The following MUC17 variants were observed in gnomAD, a reference collection of about 807,000 sequenced individuals.
MUC17 encodes mucin 17, cell surface associated.
A neutral mutation model predicts 170.3 loss-of-function variants in MUC17; 190 were observed. The ratio of observed to expected loss-of-function variants is 1.12; its 90% CI spans 0.99 to 1.26. MUC17 has a LOEUF of 1.26. Ranked by LOEUF, MUC17 falls within the 50% of genes most tolerant of loss-of-function variation. The pLI is 0.00. For missense variants in MUC17, 6,415 were observed against 5,530.0 expected (o/e 1.16, Z -5.08); for synonymous variants, 2,325 against 2,002.5 (o/e 1.16, Z -4.30).
At chr7:101,029,442 C>G (rs1794238671) in intron 1 of MUC17, among the ~76,000 whole-genome samples, 1 of 152,062 alleles carries the variant, frequency 6.6e-6, no homozygotes, top group Non-Finnish European at 1.5e-5. Flanking sequence ...ATGTCTGTGT[C>G]CATTCTGGGT....
rs749179550 is a variant in MUC17, at chr7:101,033,448, A to T, written c.2032A>T (p.Met678Leu). 6.2e-7 allele frequency: 1 copy of T among 1,613,582 alleles called. No individual in the cohort carries two copies. Among genetic ancestry groups the T allele is most frequent in the African/African-American group, 1.3e-5 (1 of 75,018 alleles). Residue 678 changes from methionine (M) to leucine (L), a missense_variant, in exon 3 of 13, where the codon ATG becomes TTG. Met to Leu is a conservative substitution (Grantham distance 15). Coordinates refer to ENST00000306151, the MANE Select transcript of MUC17 (RefSeq NM_001040105.2). Reference sequence around the variant, plus strand: ...TTCTACAACTGCGGAAGGTACCAGCATGCCAACCTCAACTTATACTGAAGG... The same window carrying T: ...TTCTACAACTGCGGAAGGTACCAGCTTGCCAACCTCAACTTATACTGAAGG... ...SSSTTAEGTSMPTSTYTEGST... is the reference protein window; with the variant it reads ...SSSTTAEGTSLPTSTYTEGST...
intron 4 of MUC17, 79 bp downstream of exon 4, chr7:101,048,194 T>C (rs1794876296): frequency 1.4e-6 from 2 of 1,394,058 alleles, no homozygotes; most frequent in Non-Finnish European, 1.9e-6. Context: ...CTGCCCCACC[T>C]TGATGTGAGG....
Position 101,020,287 on chromosome 7 carries a change from T to A in MUC17, c.82+70T>A, listed in dbSNP as rs969830963. The A allele has an allele frequency of 2.2e-5, 30 of 1,377,930 alleles. No homozygotes were observed. The African/African-American group carries it at 4.1e-4, about 19-fold the overall frequency. 85.4% of individuals were successfully genotyped at this position (1,377,930 alleles called of 1,614,324 possible). ...GGGGCCAGCCTGCTCTGTCTGCCCA[T>A]CCCCGAGGGAGAGCTGCCTCCAGGA... On this transcript the variant is annotated intron_variant, in intron 1 of 12. Transcript: ENST00000306151.
In MUC17 at chr7:101,051,795, C is replaced by T. The variant is rs773082815; in HGVS notation, c.12944-8C>T. The T allele has an allele frequency of 1.9e-6, 3 of 1,612,572 alleles. No individual in the cohort carries two copies. Among genetic ancestry groups the T allele is most frequent in the South Asian group, 2.2e-5 (2 of 90,952 alleles). On this transcript the variant is annotated splice_polypyrimidine_tract_variant and splice_region_variant and intron_variant, in intron 8 of 12. Coordinates refer to ENST00000306151, the MANE Select transcript of MUC17 (RefSeq NM_001040105.2). ...ACGGCTGTTCCCTGTCCCTGCACCC[C>T]CCACCAGAGGACTGCCGGAAGATGG...
Position 101,033,075 on chromosome 7 carries a change from A to G in MUC17, c.1659A>G (p.Thr553=). 1 of 1,613,172 alleles carries G rather than the reference A, an allele frequency of 6.2e-7. No homozygotes were observed. The highest frequency in any genetic ancestry group is 8.5e-7 in the Non-Finnish European group (1 of 1,179,854). The change falls in exon 3 of 13, where the codon ACA becomes ACG. Residue 553 remains threonine (T), a synonymous_variant. Coordinates refer to ENST00000306151, the MANE Select transcript of MUC17 (RefSeq NM_001040105.2). ...TTSSEASSSS[T]TPEGTSIPTS... ...CTAGTGAAGCCAGTTCATCTTCTAC[A>G]ACTCCTGAAGGTACCAGCATACCAA...
Position 101,040,149 on chromosome 7 carries a change from A to G in MUC17, c.8733A>G (p.Thr2911=). ...TTSTEGSSSP[T]TAEGTSMPIS... is the part of the protein sequence containing the mutation. The stretch of plus-strand genomic sequence containing the variant: ...CTACTGAAGGCAGTTCTTCTCCTAC[A>G]ACTGCTGAAGGTACCAGCATGCCAA... The change falls in exon 3 of 13, where the codon ACA becomes ACG. Residue 2911 remains threonine (T), a synonymous_variant. Coordinates refer to ENST00000306151, the MANE Select transcript of MUC17 (RefSeq NM_001040105.2). 6.2e-7 allele frequency: 1 copy of G among 1,612,874 alleles called. No individual in the cohort carries two copies.
intron 2 of MUC17, 65 bp downstream of exon 2, chr7:101,031,286 C>T: frequency 6.5e-7 from 1 of 1,543,082 alleles, no homozygotes; most frequent in South Asian, 1.3e-5. Context: ...CTAGAGCGAC[C>T]CCTGCCAGGC....
chr7:101,043,937 C>A (rs1794788532), intron 3 of MUC17, 118 bp downstream of exon 3: 1 of 922,830 alleles, frequency 1.1e-6, no homozygotes. Context: ...GTTTGCTGCA[C>A]CCATTAACTC....
chr7:101,052,431 C>T (rs1794964502), intron 9 of MUC17, among the ~76,000 whole-genome samples: 2 of 152,140 alleles, frequency 1.3e-5, no homozygotes, highest in Admixed American at 1.3e-4. Flanking sequence ...GCTGGAGCAT[C>T]AGGTGCGGGA....
intron 1 of MUC17, among the ~76,000 whole-genome samples, chr7:101,030,790 C>T (rs990074223): frequency 6.6e-6 from 1 of 152,118 alleles, no homozygotes; most frequent in African/African-American, 2.4e-5. Flanking sequence ...GGCTGGAGTG[C>T]AGTAGTGCAA....
chr7:101,046,765 G>A (rs577772472), intron 3 of MUC17, among the ~76,000 whole-genome samples: 27 of 152,142 alleles, frequency 1.8e-4, no homozygotes, highest in African/African-American at 6.0e-4. Flanking sequence ...ACGAGATGGT[G>A]AGACTCTGTC....
chr7:101,041,333 C>A lies in MUC17; in HGVS notation c.9917C>A (p.Ala3306Asp). Reference sequence around the variant, plus strand: ...ACGAGCACCCTTTCAACAACTCCTGCTGACACCAGCACACCTGTGACCACT... The same window carrying A: ...ACGAGCACCCTTTCAACAACTCCTGATGACACCAGCACACCTGTGACCACT... ...SETSTLSTTP[A>D]DTSTPVTTYS... The change falls in exon 3 of 13, where the codon GCT becomes GAT. Residue 3306 changes from alanine to aspartate, a missense_variant. Physicochemically the swap from Ala to Asp is moderately radical, Grantham distance 126 (BLOSUM62 -2). Transcript: ENST00000306151. The A allele has an allele frequency of 1.2e-6, 2 of 1,602,548 alleles. No individual in the cohort carries two copies. Among genetic ancestry groups the A allele is most frequent in the East Asian group, 2.3e-5 (1 of 44,158 alleles).
chr7:101,036,184 G>A lies in MUC17; in HGVS notation c.4768G>A (p.Ala1590Thr). Residue 1590 changes from alanine (A) to threonine (T), a missense_variant, in exon 3 of 13, where the codon GCT becomes ACT. Physicochemically the swap from Ala to Thr is moderately conservative, Grantham distance 58 (BLOSUM62 0). Transcript: ENST00000306151. ...CACCATGCTGGTGGTCAGTTCTGAGGCTAACACCCTTTCAACAACCCCTAT... is the reference window on the plus strand; with the variant it reads ...CACCATGCTGGTGGTCAGTTCTGAGACTAACACCCTTTCAACAACCCCTAT... ...VSTMLVVSSE[A>T]NTLSTTPIDS... The A allele has an allele frequency of 2.5e-6, 4 of 1,613,690 alleles. No homozygotes were observed. The highest frequency in any genetic ancestry group is 4.5e-5 in the East Asian group (2 of 44,818).
Position 101,035,755 on chromosome 7 carries a change from A to G in MUC17, c.4339A>G (p.Thr1447Ala). The change falls in exon 3 of 13, where the codon ACC becomes GCC. Residue 1447 changes from threonine (T) to alanine (A), a missense_variant. Physicochemically the swap from Thr to Ala is moderately conservative, Grantham distance 58 (BLOSUM62 0). Transcript: ENST00000306151. ...PTTAEGISIP[T>A]STPSEGKTPL... ...AACTGCTGAAGGTATCAGCATACCA[A>G]CCTCAACTCCTAGTGAAGGAAAGAC... 1.9e-6 allele frequency: 3 copies of G among 1,610,912 alleles called. No homozygotes were observed. The highest frequency in any genetic ancestry group is 2.5e-6 in the Non-Finnish European group (3 of 1,178,148).
In MUC17 at chr7:101,041,852, C is replaced by T; in HGVS notation, c.10436C>T (p.Ser3479Leu). The T allele has an allele frequency of 1.2e-6, 2 of 1,614,044 alleles. No individual in the cohort carries two copies. Among genetic ancestry groups the T allele is most frequent in the Admixed American group, 3.3e-5 (2 of 59,990 alleles). The change falls in exon 3 of 13, where the codon TCA (serine) becomes TTA (leucine). Residue 3479 changes from serine (S) to leucine (L), a missense_variant. Physicochemically the swap from Ser to Leu is moderately radical, Grantham distance 145. Transcript: ENST00000306151. ...GCCAGTTCTGAGGCTAGCACCCTTT[C>T]AACAACTCCTGTTGACACCAGCACA... ...PVASSEASTL[S>L]TTPVDTSTPV...
chr7:101,026,614 T>C (rs773351963), intron 1 of MUC17, among the ~76,000 whole-genome samples: 29 of 152,196 alleles, frequency 1.9e-4, no homozygotes, highest in Non-Finnish European at 4.0e-4. Flanking sequence ...AGATATGACC[T>C]CGCTCTGTTG....
chr7:101,038,537 A>G lies in MUC17; in HGVS notation c.7121A>G (p.Gln2374Arg). ...AGCACACCTGTGACTACTTATTCTC[A>G]AGCCGGTTCATCTCCTACAACTGCT... ...DTSTPVTTYS[Q>R]AGSSPTTADD... Residue 2374 changes from glutamine (Q) to arginine (R), a missense_variant, in exon 3 of 13, where the codon CAA (glutamine) becomes CGA (arginine). Gln to Arg is a conservative substitution (Grantham distance 43, BLOSUM62 1). Coordinates refer to ENST00000306151, the MANE Select transcript of MUC17 (RefSeq NM_001040105.2). 6.2e-7 allele frequency: 1 copy of G among 1,613,990 alleles called. No homozygotes were observed. The highest frequency in any genetic ancestry group is 8.5e-7 in the Non-Finnish European group (1 of 1,179,904).
Position 101,042,912 on chromosome 7 carries a change from C to A in MUC17, c.11496C>A (p.Ala3832=). The change falls in exon 3 of 13, where the codon GCC becomes GCA. Residue 3832 remains alanine (A), a synonymous_variant. Transcript: ENST00000306151. ...TATCTGTGATGAGTCCTTCTGAGGC[C>A]AGCACACTTTCAACACCTCCTGGTG... ...SPISVMSPSE[A]STLSTPPGDT... The A allele has an allele frequency of 6.2e-7, 1 of 1,614,028 alleles. No homozygotes were observed. Among genetic ancestry groups the A allele is most frequent in the Non-Finnish European group, 8.5e-7 (1 of 1,180,002 alleles).
chr7:101,037,900 C>T lies in MUC17; in HGVS notation c.6484C>T (p.Pro2162Ser). The stretch of plus-strand genomic sequence containing the variant: ...CTCAACTTATAGTGACAGAAGAACT[C>T]CTTTAACAAGTATGCCTGTCAGCAC... ...QTSTYSDRRTPLTSMPVSTTV... is the reference protein window; with the variant it reads ...QTSTYSDRRTSLTSMPVSTTV... Residue 2162 changes from proline to serine, a missense_variant, in exon 3 of 13, where the codon CCT becomes TCT. Transcript: ENST00000306151. The T allele has an allele frequency of 3.1e-6, 5 of 1,610,190 alleles. No homozygotes were observed. The highest frequency in any genetic ancestry group is 4.2e-6 in the Non-Finnish European group (5 of 1,177,672).
Sources: allele counts gnomAD v4.1 joint callset (sites outside exome capture counted in the v4.1 genomes callset), GRCh38; gene constraint gnomAD v4.1.1; transcripts MANE v1.5; gene names NCBI Gene and HGNC (gene_info 2026-07-23, HGNC 2026-07-21).